Variants in NTRK2 observed in about 807,000 individuals in gnomAD.
NTRK2 encodes BDNF/NT-3 growth factors receptor.
In NTRK2, 13 loss-of-function variants were observed where a neutral mutation model predicts 94.5. The observed-to-expected ratio is 0.14, with a 90% CI of 0.09 to 0.22. The LOEUF (loss-of-function observed/expected upper bound fraction) is 0.22. Among genes scored for constraint, NTRK2 ranks in the 10% least tolerant of loss-of-function variants. The pLI, the probability that NTRK2 is intolerant of heterozygous loss-of-function variation, is 1.00. For missense variants in NTRK2, 639 were observed against 1,071.2 expected (o/e 0.60, Z 5.63); for synonymous variants, 372 against 407.4 (o/e 0.91, Z 1.05).
chr9:84,763,252 A>C (rs1426606866), intron 12 of NTRK2, among the ~76,000 whole-genome samples: 1 of 151,476 alleles, frequency 6.6e-6, no homozygotes, highest in Non-Finnish European at 1.5e-5. Flanking sequence ...TCTTTTTGAA[A>C]CTCTAAGTCT....
At chr9:84,760,678 T>C (rs1274650286) in intron 12 of NTRK2, among the ~76,000 whole-genome samples, 1 of 152,182 alleles carries the variant, frequency 6.6e-6, no homozygotes, top group African/African-American at 2.4e-5. Flanking sequence ...ACTTGTTTCA[T>C]TGATTGATTG....
chr9:84,944,608 A>G (rs2078531811), intron 15 of NTRK2, among the ~76,000 whole-genome samples: 1 of 152,242 alleles, frequency 6.6e-6, no homozygotes, highest in South Asian at 2.1e-4. Flanking sequence ...CATCCTCTGT[A>G]GAGACTGGAT....
At chr9:85,020,481 T>C in intron 18 of NTRK2, 117 bp downstream of exon 18, 1 of 1,059,558 alleles carries the variant, frequency 9.4e-7, no homozygotes, top group Non-Finnish European at 1.5e-6. Flanking sequence ...ATGGGCTTTG[T>C]TGGTGGCAGC....
chr9:84,938,965 T>C (rs1462781080), intron 15 of NTRK2, among the ~76,000 whole-genome samples: 1 of 148,778 alleles, frequency 6.7e-6, no homozygotes, highest in Non-Finnish European at 1.5e-5. Flanking sequence ...AGTGGAAGGA[T>C]TGCTTGAGCC....
intron 10 of NTRK2, among the ~76,000 whole-genome samples, chr9:84,743,364 T>G (rs945345830): frequency 3.3e-5 from 5 of 152,222 alleles, no homozygotes; most frequent in African/African-American, 1.2e-4. Context: ...GATATTTTAT[T>G]TTTTCTATAA....
At chr9:84,997,740 C>T (rs1030977644) in intron 17 of NTRK2, among the ~76,000 whole-genome samples, 2 of 152,134 alleles carry the variant, frequency 1.3e-5, no homozygotes, top group African/African-American at 4.8e-5. Context: ...GGCTAAGCTG[C>T]AGCTGCTTAA....
chr9:84,931,537 G>A (rs1406371130), intron 14 of NTRK2, among the ~76,000 whole-genome samples: 1 of 151,966 alleles, frequency 6.6e-6, no homozygotes, highest in Non-Finnish European at 1.5e-5. Flanking sequence ...AAATATAGTA[G>A]CCCATTTCCT....
At chr9:84,750,066 C>G (rs1043809398) in intron 11 of NTRK2, among the ~76,000 whole-genome samples, 1 of 152,166 alleles carries the variant, frequency 6.6e-6, no homozygotes. Flanking sequence ...ATAAAGAGCA[C>G]TGTGGAGCAG....
intron 17 of NTRK2, among the ~76,000 whole-genome samples, chr9:85,004,404 A>G (rs1830736706): frequency 6.6e-6 from 1 of 152,188 alleles, no homozygotes; most frequent in South Asian, 2.1e-4. Context: ...GAGAATTACA[A>G]TCCCCAAGTC....
intron 2 of NTRK2, among the ~76,000 whole-genome samples, chr9:84,686,377 G>A (rs551162946): frequency 1.5e-4 from 23 of 152,232 alleles, no homozygotes; most frequent in Middle Eastern, 6.8e-3. Flanking sequence ...AAAATCCAGG[G>A]GAAAAGAATC....
intron 18 of NTRK2, among the ~76,000 whole-genome samples, chr9:85,020,582 T>C (rs1832697836): frequency 6.6e-6 from 1 of 152,212 alleles, no homozygotes; most frequent in South Asian, 2.1e-4. Context: ...TGCTATGTCC[T>C]TGCTCCTCTG....
intron 17 of NTRK2, among the ~76,000 whole-genome samples, chr9:85,006,743 A>G (rs573940261): frequency 6.6e-6 from 1 of 152,274 alleles, no homozygotes; most frequent in Admixed American, 6.5e-5. Context: ...AACGTATTCT[A>G]TATGTTCATT....
intron 14 of NTRK2, among the ~76,000 whole-genome samples, chr9:84,882,719 T>TGTGTGTGTGCGCGCGCGCGCGC (rs761042296): frequency 1.4e-5 from 2 of 145,742 alleles, no homozygotes; most frequent in African/African-American, 5.3e-5. Context: ...TGTGTGTGTG[T>TGTGTGTGTGCGCGCGCGCGCGC]GCGCGCGCGC....
At chr9:84,740,515 A>G (rs1056576840) in intron 9 of NTRK2, among the ~76,000 whole-genome samples, 2 of 152,238 alleles carry the variant, frequency 1.3e-5, no homozygotes, top group Admixed American at 6.5e-5. Context: ...ACAATTTCCC[A>G]TCACATGTGG....
At chr9:84,875,790 A>G (rs2076040551) in intron 14 of NTRK2, 2 of 1,049,132 alleles carry the variant, frequency 1.9e-6, no homozygotes. Context: ...CTGATGTCTC[A>G]GGCCTCTAGA....
chr9:84,929,776 G>T (rs1248535281), intron 14 of NTRK2, among the ~76,000 whole-genome samples: 4 of 152,076 alleles, frequency 2.6e-5, no homozygotes, highest in African/African-American at 9.7e-5. Context: ...TGGCCAGGCT[G>T]GTCTCAAACT....
chr9:84,872,291 G>A (rs1348514058), intron 14 of NTRK2: 4 of 1,115,450 alleles, frequency 3.6e-6, no homozygotes, highest in Non-Finnish European at 4.4e-6. Context: ...CACCTTCTGA[G>A]CTGAAACAAA....
chr9:84,877,429 G>C (rs993403246), intron 14 of NTRK2: 1 of 1,065,894 alleles, frequency 9.4e-7, no homozygotes, highest in Non-Finnish European at 1.1e-6. Context: ...TGAGTGGGTG[G>C]GTATGGATAG....
At chr9:84,755,525 C>CTTTTTTTTTTTTTTTTTTTTTTTTTTTT (rs745611460) in intron 12 of NTRK2, among the ~76,000 whole-genome samples, 2 of 60,644 alleles carry the variant, frequency 3.3e-5, no homozygotes, top group African/African-American at 7.0e-5. Context: ...AGTCCCACCT[C>CTTTTTTTTTTTTTTTTTTTTTTTTTTTT]TTTTTTTTTT....
Sources: allele counts gnomAD v4.1 joint callset (sites outside exome capture counted in the v4.1 genomes callset), GRCh38; gene constraint gnomAD v4.1.1; transcripts MANE v1.5; gene names NCBI Gene and HGNC (gene_info 2026-07-23, HGNC 2026-07-21).